The following FRAS1 variants were observed in gnomAD, a reference collection of about 807,000 sequenced individuals.
The protein encoded by FRAS1 is extracellular matrix organizing protein FRAS1.
FRAS1 carries 290 observed loss-of-function variants against 435.2 expected under a neutral mutation model. The observed-to-expected ratio is 0.67, with a 90% CI of 0.61 to 0.73. The LOEUF (loss-of-function observed/expected upper bound fraction) is 0.73, where lower values mean the gene tolerates loss of function less well. FRAS1 is among the 30% of genes least tolerant of loss of function. The pLI, the probability that FRAS1 is intolerant of heterozygous loss-of-function variation, is 0.00. For missense variants in FRAS1, 4,860 were observed against 5,001.5 expected (o/e 0.97, Z 0.85); for synonymous variants, 1,800 against 1,851.0 (o/e 0.97, Z 0.71).
At chr4:78,324,157 T>C (rs1382944326) in intron 18 of FRAS1, among the ~76,000 whole-genome samples, 1 of 152,032 alleles carries the variant, frequency 6.6e-6, no homozygotes, top group Non-Finnish European at 1.5e-5. Flanking sequence ...GCATGCATTA[T>C]ACATATTACA....
intron 2 of FRAS1, among the ~76,000 whole-genome samples, chr4:78,209,384 A>G (rs1158379608): frequency 6.6e-6 from 1 of 152,096 alleles, no homozygotes; most frequent in Non-Finnish European, 1.5e-5. Flanking sequence ...AAGACACCAC[A>G]GGAGACTAGG....
At chr4:78,124,980 C>T (rs1001878159) in intron 2 of FRAS1, among the ~76,000 whole-genome samples, 1 of 152,038 alleles carries the variant, frequency 6.6e-6, no homozygotes, top group Non-Finnish European at 1.5e-5. Context: ...TTTTATGTCT[C>T]TATCTCCTTC....
rs757325998 is a variant in FRAS1 at position 78,308,050 on chromosome 4, T to A, written c.1535-16T>A. The A allele has an allele frequency of 6.3e-7, 1 of 1,579,918 alleles. No homozygotes were observed. ...TCTGCCGTAGATTACTCACTGATTT[T>A]GCTATTCGTCTGCAGTCTGCCATGA... On this transcript the variant is annotated splice_polypyrimidine_tract_variant and intron_variant, in intron 14 of 73. Coordinates refer to ENST00000512123, the MANE Select transcript of FRAS1 (RefSeq NM_025074.7).
Position 78,057,903 on chromosome 4 carries a change from C to G in FRAS1, c.-107C>G. The G allele has an allele frequency of 8.9e-6, 9 of 1,014,714 alleles. No individual in the cohort carries two copies. In the South Asian group the frequency reaches 1.3e-4, roughly 14 times the overall value. The allele number at this position is 1,014,714 out of a possible 1,614,324, so 62.9% of individuals were successfully genotyped here. ...TCCCGGAGGTAAAGGCCCGCGGTCCCCCACCTTCAGTGCGCCCGGGTTCCA... is the reference window on the plus strand; with the variant it reads ...TCCCGGAGGTAAAGGCCCGCGGTCCGCCACCTTCAGTGCGCCCGGGTTCCA... On this transcript the variant is annotated 5_prime_UTR_variant, in exon 1 of 74. Coordinates refer to ENST00000512123, the MANE Select transcript of FRAS1 (RefSeq NM_025074.7). The surrounding 1 kb of genome is among the most constrained non-coding windows in gnomAD (Gnocchi z 4.2).
chr4:78,142,792 A>G (rs1486142044), intron 2 of FRAS1, among the ~76,000 whole-genome samples: 1 of 152,210 alleles, frequency 6.6e-6, no homozygotes, highest in African/African-American at 2.4e-5. Context: ...AGTAGTAAAA[A>G]TATGAATTTA....
intron 2 of FRAS1, among the ~76,000 whole-genome samples, chr4:78,199,184 A>G (rs1206477970): frequency 6.6e-6 from 1 of 152,218 alleles, no homozygotes; most frequent in Non-Finnish European, 1.5e-5. Flanking sequence ...TTTCTAGTTG[A>G]ATCTCATTCC....
At chr4:78,191,942 T>G (rs186645606) in intron 2 of FRAS1, among the ~76,000 whole-genome samples, 3 of 152,336 alleles carry the variant, frequency 2.0e-5, no homozygotes, top group Admixed American at 1.3e-4. Context: ...AGTCTATCAT[T>G]GTTGGACATT....
intron 2 of FRAS1, among the ~76,000 whole-genome samples, chr4:78,099,351 C>A (rs182125624): frequency 3.2e-4 from 49 of 152,268 alleles, no homozygotes; most frequent in African/African-American, 1.2e-3. Flanking sequence ...ATGGCTGTGA[C>A]GGTAGGCATG....
chr4:78,527,301 A>T (rs531463352), intron 70 of FRAS1, among the ~76,000 whole-genome samples: 1 of 149,266 alleles, frequency 6.7e-6, no homozygotes, highest in East Asian at 2.0e-4. Context: ...CAGACCTGAG[A>T]CTGTATTGTG....
intron 14 of FRAS1, among the ~76,000 whole-genome samples, chr4:78,307,113 A>T (rs1352213179): frequency 3.9e-5 from 6 of 152,064 alleles, no homozygotes; most frequent in Non-Finnish European, 8.8e-5. Context: ...GGTCTGTTGG[A>T]GTACCCGGCA....
chr4:78,397,564 T>C (rs940966649), intron 29 of FRAS1, among the ~76,000 whole-genome samples: 5 of 151,992 alleles, frequency 3.3e-5, no homozygotes, highest in African/African-American at 4.8e-5. Context: ...TGTTAGCTAG[T>C]GTGTGTATCT....
chr4:78,311,167 TC>T (rs1427395898), intron 15 of FRAS1, among the ~76,000 whole-genome samples: 4 of 152,164 alleles, frequency 2.6e-5, no homozygotes, highest in African/African-American at 9.7e-5. Flanking sequence ...CTCTTTTTTT[TC>T]CTTTCTCTTT....
At chr4:78,438,222 AT>A (rs879928026) in intron 38 of FRAS1, among the ~76,000 whole-genome samples, 2 of 152,190 alleles carry the variant, frequency 1.3e-5, no homozygotes, top group African/African-American at 2.4e-5. Context: ...CTTATAGATG[AT>A]CAAGTTTTAT....
chr4:78,097,602 G>A (rs1244411995), intron 2 of FRAS1, among the ~76,000 whole-genome samples: 1 of 152,188 alleles, frequency 6.6e-6, no homozygotes, highest in Non-Finnish European at 1.5e-5. Flanking sequence ...CAAAAAGAGA[G>A]CTTGTGCAGG....
chr4:78,214,518 A>G (rs1425444887), intron 2 of FRAS1, among the ~76,000 whole-genome samples: 3 of 152,206 alleles, frequency 2.0e-5, no homozygotes, highest in Non-Finnish European at 4.4e-5. Flanking sequence ...TTTTAGCTGG[A>G]AATTTTTAAA....
intron 18 of FRAS1, 145 bp downstream of exon 18, chr4:78,319,131 CAA>C (rs1245708461): frequency 1.3e-6 from 1 of 786,076 alleles, no homozygotes; most frequent in Non-Finnish European, 2.1e-6. Flanking sequence ...GACCAACGTG[CAA>C]AAGAGTAGCC....
rs114412535 is a variant in FRAS1, at chr4:78,406,314, G to T, written c.4130-1349G>T. ...ATAATTAAATAGAATTAATAGAAGT[G>T]TATTAGTCTGTTTTCACACTGCTGA... On this transcript the variant is annotated intron_variant, in intron 30 of 73. Coordinates refer to ENST00000512123, the MANE Select transcript of FRAS1 (RefSeq NM_025074.7). Among the ~76,000 whole-genome samples the T allele has an allele frequency of 3.5e-3, 540 of 152,270 alleles. 2 individuals are homozygous for T. The highest frequency in any genetic ancestry group is 0.012 in the African/African-American group (517 of 41,538).
intron 64 of FRAS1, among the ~76,000 whole-genome samples, chr4:78,511,856 T>A (rs1721054300): frequency 6.6e-6 from 1 of 152,198 alleles, no homozygotes; most frequent in Non-Finnish European, 1.5e-5. Flanking sequence ...CTACAATACC[T>A]ACTGCATGGC....
intron 29 of FRAS1, among the ~76,000 whole-genome samples, chr4:78,393,787 AT>A (rs1374956453): frequency 2.0e-5 from 3 of 152,064 alleles, no homozygotes; most frequent in African/African-American, 7.2e-5. Flanking sequence ...CAGAAGTGTG[AT>A]TGCTGATCAT....
Sources: allele counts gnomAD v4.1 joint callset (sites outside exome capture counted in the v4.1 genomes callset), GRCh38; gene constraint gnomAD v4.1.1; non-coding constraint Gnocchi (gnomAD v3.1); transcripts MANE v1.5; gene names NCBI Gene and HGNC (gene_info 2026-07-23, HGNC 2026-07-21).